FERMT2: variants seen among roughly 807,000 people sequenced by gnomAD.
The protein encoded by FERMT2 is fermitin family homolog 2.
A neutral mutation model predicts 82.7 loss-of-function variants in FERMT2; 15 were observed. The ratio of observed to expected loss-of-function variants is 0.18; its 90% CI spans 0.12 to 0.28. The LOEUF (loss-of-function observed/expected upper bound fraction) is 0.28. Ranked by LOEUF, FERMT2 falls within the 10% of genes least tolerant of loss-of-function variation. The pLI, the probability that FERMT2 is intolerant of heterozygous loss-of-function variation, is 1.00. For missense variants in FERMT2, 645 were observed against 809.4 expected, an observed-to-expected ratio of 0.80 and a Z score of 2.46; for synonymous variants, 274 against 271.5, an observed-to-expected ratio of 1.01 and a Z score of -0.09.
At chr14:52,867,355 T>C (rs1885348919) in intron 10 of FERMT2, among the ~76,000 whole-genome samples, 2 of 152,238 alleles carry the variant, frequency 1.3e-5, no homozygotes, top group South Asian at 2.1e-4. Flanking sequence ...CTAGATACTA[T>C]GTTGGCCTAA....
chr14:52,911,023 T>C (rs892873955), intron 3 of FERMT2, among the ~76,000 whole-genome samples: 3 of 152,224 alleles, frequency 2.0e-5, no homozygotes, highest in Non-Finnish European at 4.4e-5. Flanking sequence ...AAGAGTTATA[T>C]ACTGTCACTT....
rs375033644 is a variant in FERMT2 at position 52,904,654 on chromosome 14, C to G, written c.392-11227G>C. On this transcript the variant is annotated intron_variant, in intron 3 of 14. Coordinates refer to ENST00000341590, the MANE Select transcript of FERMT2 (RefSeq NM_006832.3). ...GTTGCATTGAGCCGAGATTGCACCA[C>G]TGCACTCCAGCCTGGGTGAAAGAGC... Among the ~76,000 whole-genome samples, 23 of 150,646 alleles carry G rather than the reference C, an allele frequency of 1.5e-4. No homozygotes were observed. The South Asian group carries it at 4.4e-3, about 29-fold the overall frequency.
intron 3 of FERMT2, among the ~76,000 whole-genome samples, chr14:52,901,770 G>A (rs1348393511): frequency 6.6e-6 from 1 of 152,196 alleles, no homozygotes; most frequent in African/African-American, 2.4e-5. Context: ...ACAGCCTCCA[G>A]GAAGGAACGC....
intron 3 of FERMT2, among the ~76,000 whole-genome samples, chr14:52,901,883 G>A (rs985395792): frequency 2.6e-5 from 4 of 152,168 alleles, no homozygotes; most frequent in East Asian, 3.8e-4. Context: ...AGATAAATTC[G>A]TGTTGTTTCA....
At chr14:52,880,295 C>T (rs995071616) in intron 6 of FERMT2, among the ~76,000 whole-genome samples, 1 of 152,186 alleles carries the variant, frequency 6.6e-6, no homozygotes, top group Admixed American at 6.5e-5. Context: ...TCTTTTGGCA[C>T]GTAATTAGTA....
intron 2 of FERMT2, among the ~76,000 whole-genome samples, chr14:52,945,563 A>G (rs184199106): frequency 6.4e-4 from 98 of 152,116 alleles, no homozygotes; most frequent in Non-Finnish European, 1.2e-3. Flanking sequence ...CTAATCCTCA[A>G]TCTTTCTAAA....
At chr14:52,899,655 T>C (rs978226686) in intron 3 of FERMT2, among the ~76,000 whole-genome samples, 2 of 152,192 alleles carry the variant, frequency 1.3e-5, no homozygotes, top group Non-Finnish European at 2.9e-5. Context: ...ATTTTTCTAA[T>C]GGTAGGTAGT....
chr14:52,946,360 TA>T (rs527900617), intron 2 of FERMT2, among the ~76,000 whole-genome samples: 257 of 143,374 alleles, frequency 1.8e-3, no homozygotes, highest in South Asian at 3.3e-3. Flanking sequence ...TGTCTTTGAT[TA>T]AAAAAAAAAA....
In FERMT2 at chr14:52,881,830, T is replaced by C. The variant is rs543698433; in HGVS notation, c.527-361A>G. 3.9e-5 allele frequency: 50 copies of C among 1,283,670 alleles called. 1 individual carries two copies. The South Asian group carries it at 5.1e-4, about 13-fold the overall frequency. 79.5% of individuals were successfully genotyped at this position (1,283,670 alleles called of 1,614,324 possible). On this transcript the variant is annotated intron_variant, in intron 4 of 14. Coordinates refer to ENST00000341590, the MANE Select transcript of FERMT2 (RefSeq NM_006832.3). ...GGCCAATGTAAAGAACATCAGTGCCTATAGGAAAGGAAAGAAAGGAATTCA... is the reference window on the plus strand; with the variant it reads ...GGCCAATGTAAAGAACATCAGTGCCCATAGGAAAGGAAAGAAAGGAATTCA...
intron 2 of FERMT2, among the ~76,000 whole-genome samples, chr14:52,936,831 A>G (rs1889857430): frequency 6.6e-6 from 1 of 152,038 alleles, no homozygotes; most frequent in South Asian, 2.1e-4. Context: ...TTACCATAAT[A>G]CTCACTACAT....
intron 2 of FERMT2, among the ~76,000 whole-genome samples, chr14:52,945,740 G>T (rs549322621): frequency 6.6e-6 from 1 of 152,150 alleles, no homozygotes; most frequent in African/African-American, 2.4e-5. Context: ...TCTGCTCACA[G>T]AGCTGGCTGG....
At chr14:52,926,149 A>ATCTAC (rs145484742) in intron 2 of FERMT2, among the ~76,000 whole-genome samples, 3 of 151,932 alleles carry the variant, frequency 2.0e-5, no homozygotes, top group Non-Finnish European at 4.4e-5. Context: ...TGATGACTTT[A>ATCTAC]AAATACTTAC....
intron 3 of FERMT2, among the ~76,000 whole-genome samples, chr14:52,897,993 A>C (rs1051504910): frequency 1.3e-5 from 2 of 148,992 alleles, no homozygotes; most frequent in African/African-American, 5.0e-5. Context: ...AAAAAAAAAA[A>C]ACAACCAAAA....
At chr14:52,932,995 C>T (rs1208149490) in intron 2 of FERMT2, among the ~76,000 whole-genome samples, 1 of 151,802 alleles carries the variant, frequency 6.6e-6, no homozygotes, top group Non-Finnish European at 1.5e-5. Context: ...TATTATTAAT[C>T]AACAAAATGT....
intron 4 of FERMT2, among the ~76,000 whole-genome samples, chr14:52,883,263 G>C (rs994419323): frequency 3.9e-5 from 6 of 152,168 alleles, no homozygotes; most frequent in African/African-American, 1.4e-4. Context: ...AGAATACTGG[G>C]ATCGTTAGTC....
chr14:52,893,198 C>G (rs1319817731), intron 4 of FERMT2, 95 bp downstream of exon 4: 1 of 1,189,056 alleles, frequency 8.4e-7, no homozygotes, highest in Non-Finnish European at 1.1e-6. Flanking sequence ...GACCACTCTT[C>G]CTGACCTACA....
chr14:52,859,557 A>G lies in FERMT2; in HGVS notation c.1869+16T>C. ...CAGAGAAGGACTATATTCAAGTAACATTGTTATGAGTTTACCATTTTGATT... is the reference window on the plus strand; with the variant it reads ...CAGAGAAGGACTATATTCAAGTAACGTTGTTATGAGTTTACCATTTTGATT... On this transcript the variant is annotated intron_variant, in intron 14 of 14. Coordinates refer to ENST00000341590, the MANE Select transcript of FERMT2 (RefSeq NM_006832.3). 1 of 1,584,044 alleles carries G rather than the reference A, an allele frequency of 6.3e-7. No individual in the cohort carries two copies. Among genetic ancestry groups the G allele is most frequent in the African/African-American group, 1.3e-5 (1 of 74,080 alleles).
At chr14:52,869,445 G>A (rs1468583020) in intron 10 of FERMT2, among the ~76,000 whole-genome samples, 1 of 152,120 alleles carries the variant, frequency 6.6e-6, no homozygotes, top group Non-Finnish European at 1.5e-5. Flanking sequence ...ATACAGTCAC[G>A]CATTGCATAA....
intron 2 of FERMT2, among the ~76,000 whole-genome samples, chr14:52,940,681 C>T (rs1391701407): frequency 6.6e-6 from 1 of 152,124 alleles, no homozygotes; most frequent in South Asian, 2.1e-4. Flanking sequence ...ATAGTTTATT[C>T]TGTGTTATCT....
Sources: gnomAD v4.1 joint callset for allele counts (sites outside exome capture counted in the v4.1 genomes callset) on GRCh38, gnomAD v4.1.1 for gene constraint, MANE v1.5 for transcripts, NCBI Gene and HGNC (gene_info 2026-07-23, HGNC 2026-07-21) for gene names.